The following CD86 variants were observed in gnomAD, a reference collection of about 807,000 sequenced individuals.
The protein encoded by CD86 is T-lymphocyte activation antigen CD86.
In CD86, 11 loss-of-function variants were observed where a neutral mutation model predicts 32.1. The observed-to-expected ratio is 0.34, with a 90% CI of 0.22 to 0.57. The LOEUF (loss-of-function observed/expected upper bound fraction) is 0.57, where lower values mean the gene tolerates loss of function less well. Ranked by LOEUF, CD86 falls within the 20% of genes least tolerant of loss-of-function variation. CD86 has a pLI of 0.86. For synonymous variants in CD86, 137 were observed against 135.3 expected (o/e 1.01, Z -0.09); for missense variants, 359 against 398.4 (o/e 0.90, Z 0.84).
intron 4 of CD86, 132 bp downstream of exon 4, chr3:122,106,632 C>T: frequency 1.3e-6 from 1 of 746,550 alleles, no homozygotes; most frequent in Non-Finnish European, 2.2e-6. Context: ...AGGAAGGACC[C>T]AGATGGAGGT....
At chr3:122,069,158 A>G (rs914680223) in intron 1 of CD86, among the ~76,000 whole-genome samples, 3 of 145,522 alleles carry the variant, frequency 2.1e-5, no homozygotes, top group African/African-American at 7.6e-5. Flanking sequence ...GGTCTCCTGC[A>G]TTCAACTATG....
At chr3:122,068,699 A>G (rs1457130289) in intron 1 of CD86, among the ~76,000 whole-genome samples, 1 of 152,242 alleles carries the variant, frequency 6.6e-6, no homozygotes, top group Admixed American at 6.5e-5. Flanking sequence ...TCATTTGATT[A>G]GAAATATGTT....
At chr3:122,098,742 T>TAAG (rs2072948588) in intron 2 of CD86, among the ~76,000 whole-genome samples, 1 of 152,208 alleles carries the variant, frequency 6.6e-6, no homozygotes, top group East Asian at 1.9e-4. Flanking sequence ...ATATTGGAGT[T>TAAG]CAGCTCTGGC....
At chr3:122,089,286 C>A (rs2072774820) in intron 1 of CD86, among the ~76,000 whole-genome samples, 1 of 152,138 alleles carries the variant, frequency 6.6e-6, no homozygotes, top group Non-Finnish European at 1.5e-5. Context: ...TATTTCATAC[C>A]ACTGTACACT....
chr3:122,075,255 G>GT (rs2072540865), intron 1 of CD86, among the ~76,000 whole-genome samples: 1 of 152,198 alleles, frequency 6.6e-6, no homozygotes. Flanking sequence ...AAGGGTGCTG[G>GT]TGGCAGAGCT....
chr3:122,119,597 C>A lies in CD86; in HGVS notation c.*63C>A, dbSNP rs2073312122. ...ACCCTTTCCTTTGTAAGTTCCTGGG[C>A]AACCTTTTTGATTTCTTCCAGAAGG... is the stretch of plus-strand genomic sequence containing the variant. On this transcript the variant is annotated 3_prime_UTR_variant, in exon 7 of 7. Transcript: ENST00000330540. 2.8e-6 allele frequency: 3 copies of A among 1,062,440 alleles called. No individual in the cohort carries two copies. Among genetic ancestry groups the A allele is most frequent in the African/African-American group, 1.6e-5 (1 of 62,974 alleles). The allele number at this position is 1,062,440 out of a possible 1,614,324, so 65.8% of individuals were successfully genotyped here. A position where few individuals can be genotyped will look rare whatever the true frequency, so the allele number is the denominator to read the frequency against.
intron 2 of CD86, 30 bp from the exon 3 acceptor site, chr3:122,103,482 C>G (rs1042991536): frequency 1.4e-6 from 2 of 1,481,262 alleles, no homozygotes; most frequent in African/African-American, 1.4e-5. Context: ...TCTTGTTTCT[C>G]CCTCCCTAAT....
intron 1 of CD86, among the ~76,000 whole-genome samples, chr3:122,073,965 C>G (rs950714252): frequency 2.0e-5 from 3 of 152,144 alleles, no homozygotes; most frequent in Admixed American, 2.0e-4. Context: ...CCTTCCTTTC[C>G]TGCAGCCCAG....
At chr3:122,109,446 T>C (rs373956442) in intron 5 of CD86, 38 bp downstream of exon 5, 195 of 1,611,692 alleles carry the variant, frequency 1.2e-4, no homozygotes, top group Non-Finnish European at 1.2e-4. Flanking sequence ...ACTGTCACTT[T>C]GCACCTACTT....
At chr3:122,063,582 A>G (rs2072368770) in intron 1 of CD86, among the ~76,000 whole-genome samples, 1 of 150,286 alleles carries the variant, frequency 6.7e-6, no homozygotes, top group African/African-American at 2.5e-5. Flanking sequence ...CTAAGTAAGT[A>G]CATAGAAAGA....
rs577405681 is a variant in CD86, at chr3:122,085,227, C to T, written c.15-6374C>T. Among the ~76,000 whole-genome samples, 61 of 152,214 alleles carry T rather than the reference C, an allele frequency of 4.0e-4. 1 individual carries two copies. The South Asian group carries it at 6.0e-3, about 15-fold the overall frequency. ...CCTACATTTCTCCATATTGCTGTCA[C>T]GTATATCATAAGATACTCTGTCAGA... On this transcript the variant is annotated intron_variant, in intron 1 of 6. Transcript: ENST00000330540.
intron 1 of CD86, among the ~76,000 whole-genome samples, chr3:122,090,881 T>C (rs1235025299): frequency 6.6e-6 from 1 of 152,214 alleles, no homozygotes; most frequent in Non-Finnish European, 1.5e-5. Context: ...AGCATTGTCA[T>C]CACCTTATGT....
At chr3:122,062,824 T>C (rs753723662) in intron 1 of CD86, among the ~76,000 whole-genome samples, 2 of 152,222 alleles carry the variant, frequency 1.3e-5, no homozygotes, top group Non-Finnish European at 2.9e-5. Context: ...CCTATGGATA[T>C]AAGATATTTT....
chr3:122,068,034 C>T (rs1355023464), intron 1 of CD86, among the ~76,000 whole-genome samples: 2 of 151,992 alleles, frequency 1.3e-5, no homozygotes, highest in African/African-American at 2.4e-5. Context: ...CACAAAGTTG[C>T]CACAGGGAAG....
chr3:122,110,938 A>G (rs2073162895), intron 5 of CD86, among the ~76,000 whole-genome samples: 2 of 152,194 alleles, frequency 1.3e-5, no homozygotes, highest in African/African-American at 4.8e-5. Flanking sequence ...TTGGAGAAAA[A>G]GATTAAGGAT....
Position 122,121,026 on chromosome 3 carries a change from T to C in CD86, c.*1492T>C, listed in dbSNP as rs1173881060. On this transcript the variant is annotated 3_prime_UTR_variant, in exon 7 of 7. Transcript: ENST00000330540. The stretch of plus-strand genomic sequence containing the variant: ...GCCATGCTAGACAAGCTTGTCCATG[T>C]AATATTCCCATGTTTTTACCCTGCC... 1 of 152,234 alleles carries C rather than the reference T, an allele frequency of 6.6e-6. No individual in the cohort carries two copies. Among genetic ancestry groups the C allele is most frequent in the Non-Finnish European group, 1.5e-5 (1 of 68,032 alleles). The allele number at this position is 152,234 out of a possible 1,614,324, so 9.4% of individuals were successfully genotyped here. A position where few individuals can be genotyped will look rare whatever the true frequency, so the allele number is the denominator to read the frequency against.
Position 122,120,373 on chromosome 3 carries a change from C to T in CD86, c.*839C>T, listed in dbSNP as rs1169488047. On this transcript the variant is annotated 3_prime_UTR_variant, in exon 7 of 7. Coordinates refer to ENST00000330540, the MANE Select transcript of CD86 (RefSeq NM_175862.5). ...TGGCCTGGGGAAGCTGTGAAAGAAC[C>T]AAAAGAGATCACAATACTCAAAAGA... 1 of 151,868 alleles carries T rather than the reference C, an allele frequency of 6.6e-6. No individual in the cohort carries two copies. The highest frequency in any genetic ancestry group is 2.4e-5 in the African/African-American group (1 of 41,254). The allele number at this position is 151,868 out of a possible 1,614,324, so 9.4% of individuals were successfully genotyped here.
intron 1 of CD86, among the ~76,000 whole-genome samples, chr3:122,085,286 A>G (rs972664834): frequency 1.4e-4 from 22 of 152,248 alleles, no homozygotes; most frequent in African/African-American, 5.3e-4. Context: ...TTTGATTCCC[A>G]GTAACCTTCT....
chr3:122,094,195 T>G (rs571816013), intron 2 of CD86, among the ~76,000 whole-genome samples: 24 of 152,290 alleles, frequency 1.6e-4, no homozygotes, highest in Middle Eastern at 3.4e-3. Context: ...AACACTAAAC[T>G]GGAACACCAT....
Sources: allele counts gnomAD v4.1 joint callset (sites outside exome capture counted in the v4.1 genomes callset), GRCh38; gene constraint gnomAD v4.1.1; transcripts MANE v1.5; gene names NCBI Gene and HGNC (gene_info 2026-07-23, HGNC 2026-07-21).